MYH9: variants seen among roughly 807,000 people sequenced by gnomAD.
MYH9 encodes myosin-9.
In MYH9, 29 loss-of-function variants were observed where a neutral mutation model predicts 241.9. The ratio of observed to expected loss-of-function variants is 0.12; its 90% confidence interval spans 0.09 to 0.16. MYH9 has a LOEUF of 0.16. MYH9 is among the 10% of genes least tolerant of loss of function. The probability of loss-of-function intolerance (pLI) is 1.00; values close to 1 mark genes in which losing one functional copy is unlikely to be tolerated. For synonymous variants in MYH9, 1,047 were observed against 1,062.6 expected, an observed-to-expected ratio of 0.99 and a Z score of 0.29; for missense variants, 1,803 against 2,595.5, an observed-to-expected ratio of 0.69 and a Z score of 6.63.
intron 1 of MYH9, among the ~76,000 whole-genome samples, chr22:36,356,227 T>A (rs1410902948): frequency 6.6e-6 from 1 of 152,170 alleles, no homozygotes; most frequent in African/African-American, 2.4e-5. Flanking sequence ...CTCTTTCTAC[T>A]TGCGGCCGTT....
At chr22:36,316,035 CT>C (rs144026849) in intron 12 of MYH9, among the ~76,000 whole-genome samples, 108 of 116,968 alleles carry the variant, frequency 9.2e-4, no homozygotes, top group Middle Eastern at 5.2e-3. Context: ...GAGACCCTGA[CT>C]TTTTTTTTTT....
chr22:36,383,622 G>C (rs1322037725), intron 1 of MYH9, among the ~76,000 whole-genome samples: 5 of 146,320 alleles, frequency 3.4e-5, no homozygotes, highest in African/African-American at 1.2e-4. Flanking sequence ...CCCTCAACCT[G>C]ATAACCTAGG....
At position 36,300,396 on chromosome 22, in the gene MYH9, T is replaced by C. The variant is rs2016857899; in HGVS notation, c.2839-132A>G. 7.4e-7 allele frequency: 1 copy of C among 1,351,148 alleles called. No individual in the cohort carries two copies. The highest frequency in any genetic ancestry group is 1.0e-6 in the Non-Finnish European group (1 of 968,560). 83.7% of individuals were successfully genotyped at this position (1,351,148 alleles called of 1,614,324 possible). A position where few individuals can be genotyped will look rare whatever the true frequency, so the allele number is the denominator to read the frequency against. Reference sequence around the variant, plus strand: ...AGGTCTGTGAGCCCAGGGCCATGGCTGAGGTGGGGACGGCAAGGTCCGCCA... The same window carrying C: ...AGGTCTGTGAGCCCAGGGCCATGGCCGAGGTGGGGACGGCAAGGTCCGCCA... On this transcript the variant is annotated intron_variant, in intron 22 of 40. Coordinates refer to ENST00000216181, the MANE Select transcript of MYH9 (RefSeq NM_002473.6). This position sits in a 1 kb window ranked among gnomAD's most constrained non-coding sequence, Gnocchi z 5.0.
Position 36,300,052 on chromosome 22 carries a change from G to T in MYH9, c.2976+75C>A. 1 of 1,587,030 alleles carries T rather than the reference G, an allele frequency of 6.3e-7. No individual in the cohort carries two copies. The highest frequency in any genetic ancestry group is 8.6e-7 in the Non-Finnish European group (1 of 1,167,800). ...GGAAGCAGCAGCAGCGGGGAGCCAGGCCCTGCAAGGGTGACCACACTCTCC... is the reference window on the plus strand; with the variant it reads ...GGAAGCAGCAGCAGCGGGGAGCCAGTCCCTGCAAGGGTGACCACACTCTCC... On this transcript the variant is annotated intron_variant, in intron 23 of 40. Transcript: ENST00000216181. The surrounding 1 kb of genome is among the most constrained non-coding windows in gnomAD (Gnocchi z 5.0).
intron 14 of MYH9, 37 bp from the exon 15 acceptor site, chr22:36,309,433 C>G: frequency 6.6e-7 from 1 of 1,511,430 alleles, no homozygotes; most frequent in Non-Finnish European, 9.2e-7. Context: ...ACAAGCTGCG[C>G]TGGGGACATG....
At chr22:36,318,950 G>T (rs1427221724) in intron 10 of MYH9, among the ~76,000 whole-genome samples, 1 of 152,104 alleles carries the variant, frequency 6.6e-6, no homozygotes, top group Non-Finnish European at 1.5e-5. Context: ...TTTTAATAGA[G>T]ATGGGGTTTC....
chr22:36,282,770 C>T lies in MYH9; in HGVS notation c.5781G>A (p.Pro1927=), dbSNP rs80050551. ...LKNKLRRGDL[P]FVVPRRMARK... is the part of the protein sequence containing the mutation. ...GGGCCATTCGGCGGGGCACGACAAA[C>T]GGCAGGTCCCCGCGCCTGGGGGCAG... The change falls in exon 41 of 41, where the codon CCG becomes CCA. Residue 1927 remains proline, a synonymous_variant. Coordinates refer to ENST00000216181, the MANE Select transcript of MYH9 (RefSeq NM_002473.6). 1.7e-5 allele frequency: 27 copies of T among 1,611,606 alleles called. No individual in the cohort carries two copies. Among genetic ancestry groups the T allele is most frequent in the Middle Eastern group, 1.7e-4 (1 of 6,050 alleles).
In MYH9 at chr22:36,289,286, C is replaced by T. The variant is rs565499362; in HGVS notation, c.4356G>A (p.Glu1452=). ...CATACTTGGCAGAGATGGTCTTCTC[C>T]TCCGCCAGGAGCTGGGAAAGAGGTG... ...KQKKFDQLLA[E]EKTISAKYAE... The change falls in exon 32 of 41, where the codon GAG becomes GAA. Residue 1452 remains glutamate (E), a synonymous_variant. Coordinates refer to ENST00000216181, the MANE Select transcript of MYH9 (RefSeq NM_002473.6). 9 of 1,610,332 alleles carry T rather than the reference C, an allele frequency of 5.6e-6. No homozygotes were observed. The highest frequency in any genetic ancestry group is 7.6e-6 in the Non-Finnish European group (9 of 1,179,162).
chr22:36,339,777 G>A (rs560038385), intron 3 of MYH9, among the ~76,000 whole-genome samples: 9 of 152,160 alleles, frequency 5.9e-5, no homozygotes, highest in Non-Finnish European at 8.8e-5. Context: ...AGGAGAACAC[G>A]GCCCTGCCTG....
chr22:36,300,167 T>C lies in MYH9; in HGVS notation c.2936A>G (p.Glu979Gly), dbSNP rs1488601046. The C allele has an allele frequency of 3.1e-6, 5 of 1,613,156 alleles. No individual in the cohort carries two copies. The highest frequency in any genetic ancestry group is 4.2e-6 in the Non-Finnish European group (5 of 1,180,022). The change falls in exon 23 of 41, where the codon GAG becomes GGG. Residue 979 changes from glutamate (E) to glycine (G), a missense_variant. By Grantham distance (98) the Glu-to-Gly change is moderately conservative. Around this residue, in one of 11 missense-constraint regions of MYH9, gnomAD observed 290 missense variants for 360.5 expected, o/e 0.80. Transcript: ENST00000216181. The surrounding 1 kb of genome is among the most constrained non-coding windows in gnomAD (Gnocchi z 5.0). The part of the protein sequence containing the change: ...TEAKLKKLEE[E>G]QIILEDQNCK... ...GTTCTGGTCCTCCAGGATGATCTGC[T>C]CCTCCTCCAGCTTTTTCAGCTTCGC...
At chr22:36,334,537 C>T (rs922555649) in intron 3 of MYH9, among the ~76,000 whole-genome samples, 4 of 152,232 alleles carry the variant, frequency 2.6e-5, no homozygotes, top group African/African-American at 9.6e-5. Flanking sequence ...GTGGCGCGGT[C>T]GCTGCAGGGG....
At chr22:36,348,783 A>G (rs1603484041) in intron 2 of MYH9, 121 bp downstream of exon 2, 1 of 935,648 alleles carries the variant, frequency 1.1e-6, no homozygotes, top group East Asian at 2.6e-5. Flanking sequence ...CACTCCTTCA[A>G]GCCCCCTTCT....
chr22:36,306,282 C>A lies in MYH9; in HGVS notation c.2037+132G>T, dbSNP rs2146348486. The A allele has an allele frequency of 1.5e-6, 2 of 1,339,096 alleles. No homozygotes were observed. The highest frequency in any genetic ancestry group is 2.5e-5 in the East Asian group (1 of 40,280). The allele number at this position is 1,339,096 out of a possible 1,614,324, so 83.0% of individuals were successfully genotyped here. A position where few individuals can be genotyped will look rare whatever the true frequency, so the allele number is the denominator to read the frequency against. On this transcript the variant is annotated intron_variant, in intron 16 of 40. Coordinates refer to ENST00000216181, the MANE Select transcript of MYH9 (RefSeq NM_002473.6). This position sits in a 1 kb window ranked among gnomAD's most constrained non-coding sequence, Gnocchi z 4.1. ...ATCTCCTAAGCGAGCCAAGGCCCAC[C>A]CTGCAGAGAAACGACTGAAGGCTCT... is the stretch of plus-strand genomic sequence containing the variant.
chr22:36,303,799 AAAAAGAAAAAAAAAAG>A (rs1297068660), intron 19 of MYH9, among the ~76,000 whole-genome samples, 180 bp downstream of exon 19: 39 of 151,738 alleles, frequency 2.6e-4, no homozygotes, highest in African/African-American at 7.7e-4. Context: ...AAAAAAAAAA[AAAAAGAAAAAAAAAAG>A]AACTGCCCGA....
intron 20 of MYH9, chr22:36,302,249 T>C (rs2016890224): frequency 3.1e-6 from 1 of 321,216 alleles, no homozygotes; most frequent in Admixed American, 4.4e-5. Context: ...ATAAATTATG[T>C]ATTATACACA....
chr22:36,344,688 G>T (rs573487803), intron 2 of MYH9, among the ~76,000 whole-genome samples: 5 of 152,198 alleles, frequency 3.3e-5, no homozygotes, highest in Non-Finnish European at 5.9e-5. Context: ...TAGAGAAAAG[G>T]TGTGGGCACT....
intron 1 of MYH9, among the ~76,000 whole-genome samples, chr22:36,384,750 C>A (rs576912178): frequency 6.6e-6 from 1 of 150,444 alleles, no homozygotes; most frequent in Admixed American, 6.7e-5. Context: ...TATACATAAG[C>A]ACATCCAAGC....
In MYH9 at chr22:36,288,874, C is replaced by T. The variant is rs963126555; in HGVS notation, c.4623G>A (p.Leu1541=). The T allele has an allele frequency of 1.1e-5, 18 of 1,614,018 alleles. No individual in the cohort carries two copies. Among genetic ancestry groups the T allele is most frequent in the Non-Finnish European group, 1.4e-5 (17 of 1,180,048 alleles). The change falls in exon 33 of 41, where the codon CTG becomes CTA. Residue 1541 remains leucine (L), a synonymous_variant. Transcript: ENST00000216181. The surrounding 1 kb of genome is among the most constrained non-coding windows in gnomAD (Gnocchi z 4.8). Reference sequence around the variant, plus strand: ...CCTGCAGCTCGTCCTCCAGCTCTTCCAGCTGCGTCTTCATCTCCTCCACCT... The same window carrying T: ...CCTGCAGCTCGTCCTCCAGCTCTTCTAGCTGCGTCTTCATCTCCTCCACCT... ...EQQVEEMKTQ[L]EELEDELQAT...
At chr22:36,353,102 CGTGTGT>C (rs71323001) in intron 1 of MYH9, among the ~76,000 whole-genome samples, 21,720 of 142,924 alleles carry the variant, frequency 0.15, 2,905 homozygotes, top group East Asian at 0.76. Context: ...CCTCTGGGGG[CGTGTGT>C]GTGTGTGTGT....
Sources: gnomAD v4.1 joint callset for allele counts (sites outside exome capture counted in the v4.1 genomes callset) on GRCh38, gnomAD v4.1.1 for gene constraint, gnomAD v4.1.1 regional missense constraint, Gnocchi (gnomAD v3.1) non-coding constraint, MANE v1.5 for transcripts, NCBI Gene and HGNC (gene_info 2026-07-23, HGNC 2026-07-21) for gene names.